PAM: variants seen among roughly 807,000 people sequenced by gnomAD.
The protein encoded by PAM is peptidylglycine alpha-amidating monooxygenase.
PAM carries 72 observed loss-of-function variants against 122.1 expected under a neutral mutation model. The ratio of observed to expected loss-of-function variants is 0.59; its 90% CI spans 0.49 to 0.72. The LOEUF (loss-of-function observed/expected upper bound fraction) is 0.72. Ranked by LOEUF, PAM falls within the 30% of genes least tolerant of loss-of-function variation. PAM has a pLI of 0.00. For synonymous variants in PAM, 389 were observed against 404.4 expected, an observed-to-expected ratio of 0.96 and a Z score of 0.46; for missense variants, 1,106 against 1,183.7, an observed-to-expected ratio of 0.93 and a Z score of 0.96.
At chr5:102,890,430 T>C (rs963365165) in intron 3 of PAM, among the ~76,000 whole-genome samples, 1 of 151,934 alleles carries the variant, frequency 6.6e-6, no homozygotes, top group South Asian at 2.1e-4. Context: ...ATTCTTCTCA[T>C]TCCTTCTGAA....
chr5:102,843,742 TA>T (rs1478929075), intron 1 of PAM, among the ~76,000 whole-genome samples: 2 of 152,168 alleles, frequency 1.3e-5, no homozygotes, highest in African/African-American at 4.8e-5. Flanking sequence ...AGATGACACA[TA>T]AGCCTTCTAT....
At chr5:103,010,764 T>G (rs979497685) in intron 21 of PAM, among the ~76,000 whole-genome samples, 1 of 152,166 alleles carries the variant, frequency 6.6e-6, no homozygotes, top group Non-Finnish European at 1.5e-5. Flanking sequence ...TATTATATTT[T>G]TAATTAAATT....
At chr5:102,838,491 T>C (rs1330480151) in intron 1 of PAM, 1 of 152,192 alleles carries the variant, frequency 6.6e-6, no homozygotes, top group Non-Finnish European at 1.5e-5. Flanking sequence ...AATAATGTTT[T>C]AACTTTTATG....
chr5:102,789,530 C>T (rs757412354), intron 1 of PAM, among the ~76,000 whole-genome samples: 2 of 151,988 alleles, frequency 1.3e-5, no homozygotes, highest in Non-Finnish European at 2.9e-5. Context: ...GTGAAATAAG[C>T]GAGACACAAA....
Position 102,929,467 on chromosome 5 carries a change from C to G in PAM, c.526+2799C>G, listed in dbSNP as rs140843915. ...ACAGCACTGCTTTTGGTGCCATTGT[C>G]AGGGAAGATTTTATTTCGTGGTTTT... On this transcript the variant is annotated intron_variant, in intron 7 of 25. Coordinates refer to ENST00000438793, the MANE Select transcript of PAM (RefSeq NM_001177306.2). Among the ~76,000 whole-genome samples, 290 of 152,246 alleles carry G rather than the reference C, an allele frequency of 1.9e-3. 7 individuals carry two copies. The highest frequency in any genetic ancestry group is 6.2e-3 in the East Asian group (32 of 5,190).
Position 103,025,434 on chromosome 5 carries a change from G to C in PAM, c.2689+100G>C, listed in dbSNP as rs1281624638. On this transcript the variant is annotated intron_variant, in intron 24 of 25. Coordinates refer to ENST00000438793, the MANE Select transcript of PAM (RefSeq NM_001177306.2). Reference sequence around the variant, plus strand: ...GATTGGGATTTTTTTCACTGTATTTGTTTTTTTGTTTTTAATGCTCTCTAC... The same window carrying C: ...GATTGGGATTTTTTTCACTGTATTTCTTTTTTTGTTTTTAATGCTCTCTAC... The C allele has an allele frequency of 1.1e-5, 10 of 907,928 alleles. No homozygotes were observed. In the Admixed American group the frequency reaches 1.2e-4, roughly 11 times the overall value. The allele number at this position is 907,928 out of a possible 1,614,324, so 56.2% of individuals were successfully genotyped here.
rs765006178 is a variant in PAM at position 102,961,143 on chromosome 5, T to G, written c.1091-15T>G. 9.2e-6 allele frequency: 13 copies of G among 1,411,644 alleles called. No individual in the cohort carries two copies. Among genetic ancestry groups the G allele is most frequent in the Admixed American group, 5.1e-5 (3 of 59,222 alleles). The allele number at this position is 1,411,644 out of a possible 1,614,324, so 87.4% of individuals were successfully genotyped here. ...ATACTGCAAATTTATGCTCAGCTTC[T>G]TTGATCCTTTACAGAAACAGAATAT... On this transcript the variant is annotated splice_polypyrimidine_tract_variant and intron_variant, in intron 13 of 25. Transcript: ENST00000438793.
intron 7 of PAM, among the ~76,000 whole-genome samples, chr5:102,927,355 A>G (rs964783696): frequency 2.6e-5 from 4 of 151,894 alleles, no homozygotes. Flanking sequence ...TCAAACTCCA[A>G]CTGCATTCGG....
At chr5:102,771,441 A>G (rs1403285049) in intron 1 of PAM, among the ~76,000 whole-genome samples, 1 of 152,164 alleles carries the variant, frequency 6.6e-6, no homozygotes, top group Non-Finnish European at 1.5e-5. Flanking sequence ...GAAGATAGGA[A>G]GAAAGTAGTC....
rs1250961473 is a variant in PAM at position 103,025,247 on chromosome 5, C to T, written c.2602C>T (p.Leu868Phe). ...KEPGSGVPVV[L>F]ITTLLVIPVV... Reference sequence around the variant, plus strand: ...GCCAGGCTCGGGAGTGCCTGTTGTTCTCATTACAACCCTTCTGGTTATTCC... The same window carrying T: ...GCCAGGCTCGGGAGTGCCTGTTGTTTTCATTACAACCCTTCTGGTTATTCC... Residue 868 changes from leucine (L) to phenylalanine (F), a missense_variant, in exon 24 of 26, where the codon CTC (leucine) becomes TTC (phenylalanine). Physicochemically the swap from Leu to Phe is conservative, Grantham distance 22. Transcript: ENST00000438793. 2 of 1,613,750 alleles carry T rather than the reference C, an allele frequency of 1.2e-6. No homozygotes were observed. Among genetic ancestry groups the T allele is most frequent in the Non-Finnish European group, 1.7e-6 (2 of 1,179,684 alleles).
chr5:102,776,863 A>T (rs1197569035), intron 1 of PAM, among the ~76,000 whole-genome samples: 1 of 152,068 alleles, frequency 6.6e-6, no homozygotes, highest in Non-Finnish European at 1.5e-5. Context: ...TGTATGTCAC[A>T]CATTTCTTAT....
At chr5:103,007,052 C>A in intron 19 of PAM, 41 bp downstream of exon 19, 1 of 1,403,944 alleles carries the variant, frequency 7.1e-7, no homozygotes, top group Non-Finnish European at 1.0e-6. Flanking sequence ...TAATTCTTAG[C>A]CAGTATCACT....
intron 1 of PAM, among the ~76,000 whole-genome samples, chr5:102,781,023 G>A (rs1758819567): frequency 6.6e-6 from 1 of 151,994 alleles, no homozygotes; most frequent in South Asian, 2.1e-4. Flanking sequence ...GTTGCCAAAT[G>A]TCTCCTGGAG....
chr5:102,993,870 C>A (rs915693818), intron 16 of PAM, among the ~76,000 whole-genome samples: 1 of 152,074 alleles, frequency 6.6e-6, no homozygotes, highest in African/African-American at 2.4e-5. Context: ...AGCATTCCTT[C>A]GTCTGACCTA....
At chr5:102,841,431 A>ACACACACACACACG (rs1561598230) in intron 1 of PAM, among the ~76,000 whole-genome samples, 2 of 151,870 alleles carry the variant, frequency 1.3e-5, no homozygotes, top group African/African-American at 4.8e-5. Flanking sequence ...ACACACACAC[A>ACACACACACACACG]CACACACACA....
chr5:102,907,767 C>T (rs1289983496), intron 4 of PAM, among the ~76,000 whole-genome samples: 1 of 152,088 alleles, frequency 6.6e-6, no homozygotes, highest in South Asian at 2.1e-4. Context: ...GCATAAATGT[C>T]TTCTTTTGAG....
At chr5:102,787,533 G>C (rs1245052122) in intron 1 of PAM, among the ~76,000 whole-genome samples, 1 of 151,004 alleles carries the variant, frequency 6.6e-6, no homozygotes, top group Admixed American at 6.6e-5. Flanking sequence ...GCCCAATTAT[G>C]GGGACAGATT....
chr5:102,836,859 CGAGAGAGAGA>C (rs57617414), intron 1 of PAM, among the ~76,000 whole-genome samples: 43 of 120,828 alleles, frequency 3.6e-4, no homozygotes, highest in Non-Finnish European at 5.1e-4. Context: ...AGAAAGAAAC[CGAGAGAGAGA>C]GAGAGAGAGA....
At chr5:102,896,227 A>G (rs930593777) in intron 3 of PAM, among the ~76,000 whole-genome samples, 1 of 151,662 alleles carries the variant, frequency 6.6e-6, no homozygotes, top group Non-Finnish European at 1.5e-5. Context: ...TGTAATTCCC[A>G]TAGAAGAGCG....
Sources: gnomAD v4.1 joint callset for allele counts (sites outside exome capture counted in the v4.1 genomes callset) on GRCh38, gnomAD v4.1.1 for gene constraint, MANE v1.5 for transcripts, NCBI Gene and HGNC (gene_info 2026-07-23, HGNC 2026-07-21) for gene names.